The following ABAT variants were observed in gnomAD, a reference collection of about 807,000 sequenced individuals.
The protein encoded by ABAT is 4-aminobutyrate aminotransferase, mitochondrial.
In ABAT, 45 loss-of-function variants were observed where a neutral mutation model predicts 64.6. The ratio of observed to expected loss-of-function variants is 0.70; its 90% confidence interval spans 0.55 to 0.89. The LOEUF is 0.89. Ranked by LOEUF, ABAT falls within the 40% of genes least tolerant of loss-of-function variation. The pLI is 0.00. For missense variants in ABAT, 633 were observed against 658.4 expected (o/e 0.96, Z 0.42); for synonymous variants, 297 against 250.5 (o/e 1.19, Z -1.75).
rs1214665046 is a variant in ABAT, at chr16:8,780,240, G to A, written c.1381+650G>A. 8.5e-5 allele frequency: 15 copies of A among 177,136 alleles called. No individual in the cohort carries two copies. In the South Asian group the frequency reaches 1.4e-3, roughly 16 times the overall value. The allele number at this position is 177,136 out of a possible 1,614,324, so 11.0% of individuals were successfully genotyped here. A position where few individuals can be genotyped will look rare whatever the true frequency, so the allele number is the denominator to read the frequency against. On this transcript the variant is annotated intron_variant, in intron 15 of 15. Transcript: ENST00000268251. ...GAGAGGCCAGGCCCGGGTCGCATGG[G>A]CCTGCAGATCAGGCTTAGCACTCCA...
At chr16:8,676,863 C>T (rs561218363) in intron 1 of ABAT, among the ~76,000 whole-genome samples, 19 of 152,292 alleles carry the variant, frequency 1.2e-4, no homozygotes, top group Admixed American at 2.6e-4. Context: ...CAGAGGCCTG[C>T]GTCTTTTCTC....
chr16:8,774,645 T>G lies in ABAT; in HGVS notation c.955-245T>G, dbSNP rs537537537. Among the ~76,000 whole-genome samples, 33 of 152,086 alleles carry G rather than the reference T, an allele frequency of 2.2e-4. 2 individuals carry two copies. The South Asian group carries it at 6.9e-3, about 32-fold the overall frequency. ...TGCAGGGAGTATTTAATGTTCTGGG[T>G]TTTTTTGGTCCAGCTTAGCAGTTTT... On this transcript the variant is annotated intron_variant, in intron 12 of 15. Transcript: ENST00000268251.
intron 6 of ABAT, among the ~76,000 whole-genome samples, chr16:8,759,095 T>G (rs901121043): frequency 6.6e-6 from 1 of 151,696 alleles, no homozygotes; most frequent in African/African-American, 2.4e-5. Flanking sequence ...GAGGGAGACT[T>G]TATCCCAAAA....
intron 1 of ABAT, among the ~76,000 whole-genome samples, chr16:8,717,849 C>G (rs2058255937): frequency 6.6e-6 from 1 of 151,584 alleles, no homozygotes; most frequent in Non-Finnish European, 1.5e-5. Flanking sequence ...GAGATGGGGT[C>G]TCGCTCTGTC....
chr16:8,764,181 C>T lies in ABAT; in HGVS notation c.447+32C>T. ...TCTGGAGAAGCAATCCCATTGTCTT[C>T]AGACGTGGTACTGGCAGGGGAAGGG... On this transcript the variant is annotated intron_variant, in intron 7 of 15. Coordinates refer to ENST00000268251, the MANE Select transcript of ABAT (RefSeq NM_020686.6). This position sits in a 1 kb window ranked among gnomAD's most constrained non-coding sequence, Gnocchi z 4.2. 2 of 1,579,716 alleles carry T rather than the reference C, an allele frequency of 1.3e-6. No individual in the cohort carries two copies. Among genetic ancestry groups the T allele is most frequent in the Non-Finnish European group, 1.7e-6 (2 of 1,150,272 alleles).
chr16:8,752,396 G>C (rs1391809180), intron 5 of ABAT, among the ~76,000 whole-genome samples: 1 of 152,200 alleles, frequency 6.6e-6, no homozygotes, highest in Non-Finnish European at 1.5e-5. Flanking sequence ...GACTCCCTCA[G>C]TCTGAATGCC....
At chr16:8,710,308 G>T (rs2058039128) in intron 1 of ABAT, among the ~76,000 whole-genome samples, 1 of 152,108 alleles carries the variant, frequency 6.6e-6, no homozygotes, top group Non-Finnish European at 1.5e-5. Context: ...TTCAGAAGGG[G>T]GCTAGGTAAA....
chr16:8,726,814 T>C (rs2058571704), intron 1 of ABAT, among the ~76,000 whole-genome samples: 1 of 152,228 alleles, frequency 6.6e-6, no homozygotes, highest in African/African-American at 2.4e-5. Flanking sequence ...ACTAACAATG[T>C]ACAAGGGTTC....
intron 1 of ABAT, among the ~76,000 whole-genome samples, chr16:8,722,125 C>G (rs1159967030): frequency 6.6e-6 from 1 of 152,224 alleles, no homozygotes; most frequent in Admixed American, 6.5e-5. Flanking sequence ...CCTTTAACAC[C>G]TGTCTGCTCT....
At chr16:8,710,715 A>G (rs895879988) in intron 1 of ABAT, among the ~76,000 whole-genome samples, 12 of 127,564 alleles carry the variant, frequency 9.4e-5, no homozygotes, top group African/African-American at 2.9e-4. Flanking sequence ...AGAGAGAGAG[A>G]GAGAGAGAGA....
chr16:8,777,330 G>A (rs1004425810), intron 14 of ABAT, among the ~76,000 whole-genome samples: 3 of 151,410 alleles, frequency 2.0e-5, no homozygotes, highest in East Asian at 1.9e-4. Flanking sequence ...CTTACCACTC[G>A]GCAGCACTGC....
intron 6 of ABAT, among the ~76,000 whole-genome samples, chr16:8,758,493 G>T (rs1041632811): frequency 1.3e-5 from 2 of 152,168 alleles, no homozygotes; most frequent in Admixed American, 6.5e-5. Flanking sequence ...GAGGACTGGA[G>T]TAGCAGCAGG....
chr16:8,697,384 G>C (rs568009560), intron 1 of ABAT, among the ~76,000 whole-genome samples: 1 of 152,306 alleles, frequency 6.6e-6, no homozygotes, highest in South Asian at 2.1e-4. Flanking sequence ...TCCGTGCAAA[G>C]TGGATTGAAC....
At chr16:8,765,103 G>A (rs1203874168) in intron 8 of ABAT, among the ~76,000 whole-genome samples, 5 of 152,142 alleles carry the variant, frequency 3.3e-5, no homozygotes, top group South Asian at 2.1e-4. Context: ...AGGCAAAGGC[G>A]GGCAGATCAC....
intron 2 of ABAT, among the ~76,000 whole-genome samples, chr16:8,741,273 A>G (rs956703725): frequency 6.6e-6 from 1 of 152,250 alleles, no homozygotes; most frequent in African/African-American, 2.4e-5. Flanking sequence ...TCATGATCAA[A>G]ATTTGCCTTT....
intron 1 of ABAT, among the ~76,000 whole-genome samples, chr16:8,728,265 A>C (rs1055293693): frequency 6.6e-6 from 1 of 152,216 alleles, no homozygotes; most frequent in Non-Finnish European, 1.5e-5. Context: ...TATAAGGTCA[A>C]TTTTCAACTG....
chr16:8,762,056 T>A (rs186990070), intron 6 of ABAT, among the ~76,000 whole-genome samples: 2 of 152,042 alleles, frequency 1.3e-5, no homozygotes, highest in East Asian at 3.9e-4. Context: ...TAGAGTGGAG[T>A]GGCTGGATCA....
At chr16:8,749,341 G>A (rs1042939500) in intron 4 of ABAT, among the ~76,000 whole-genome samples, 3 of 141,824 alleles carry the variant, frequency 2.1e-5, no homozygotes, top group Non-Finnish European at 4.5e-5. Flanking sequence ...ACCTGCCTCG[G>A]CCTCCCAAAG....
intron 1 of ABAT, among the ~76,000 whole-genome samples, chr16:8,677,854 A>C (rs2057239559): frequency 1.3e-5 from 2 of 151,928 alleles, no homozygotes; most frequent in South Asian, 4.1e-4. Context: ...GGAGTTTGAG[A>C]CCAGCGTGGG....
Sources: gnomAD v4.1 joint callset for allele counts (sites outside exome capture counted in the v4.1 genomes callset) on GRCh38, gnomAD v4.1.1 for gene constraint, Gnocchi (gnomAD v3.1) non-coding constraint, MANE v1.5 for transcripts, NCBI Gene and HGNC (gene_info 2026-07-23, HGNC 2026-07-21) for gene names.